CPNE4: variants seen among roughly 807,000 people sequenced by gnomAD.
CPNE4 encodes the protein copine-4.
CPNE4 carries 25 observed loss-of-function variants against 67.9 expected under a neutral mutation model. The observed-to-expected ratio is 0.37, with a 90% CI of 0.27 to 0.51. CPNE4 has a LOEUF of 0.51. CPNE4 is among the 20% of genes least tolerant of loss of function. The pLI is 0.93. For synonymous variants in CPNE4, 242 were observed against 244.9 expected, an observed-to-expected ratio of 0.99 and a Z score of 0.11; for missense variants, 464 against 690.8, an observed-to-expected ratio of 0.67 and a Z score of 3.68.
At chr3:131,858,793 T>C (rs10512830) in intron 2 of CPNE4, among the ~76,000 whole-genome samples, 48,614 of 151,962 alleles carry the variant, frequency 0.32, 8,307 homozygotes, top group African/African-American at 0.42. Context: ...ACGTTCATTA[T>C]ACAAATCACC....
intron 1 of CPNE4, among the ~76,000 whole-genome samples, chr3:131,934,343 G>C (rs915822369): frequency 2.0e-5 from 3 of 152,112 alleles, no homozygotes; most frequent in Non-Finnish European, 2.9e-5. Context: ...AGTAGAAGCA[G>C]CAAGTGTACA....
chr3:131,538,269 G>C (rs888424627), intron 15 of CPNE4, among the ~76,000 whole-genome samples: 6 of 152,200 alleles, frequency 3.9e-5, no homozygotes, highest in Admixed American at 3.3e-4. Flanking sequence ...AAGCAAGTCT[G>C]ACTGAGGAAC....
chr3:131,886,749 G>A (rs1213955369), intron 2 of CPNE4, among the ~76,000 whole-genome samples: 1 of 152,308 alleles, frequency 6.6e-6, no homozygotes, highest in East Asian at 1.9e-4. Context: ...GCTTTAAGAT[G>A]TGACTGCCCT....
intron 2 of CPNE4, among the ~76,000 whole-genome samples, chr3:131,865,360 G>C (rs1035740383): frequency 2.0e-5 from 3 of 151,894 alleles, no homozygotes; most frequent in African/African-American, 7.2e-5. Context: ...TTGGTAATAA[G>C]CTCTTATATT....
intron 7 of CPNE4, among the ~76,000 whole-genome samples, chr3:131,619,025 G>T (rs972849629): frequency 1.3e-5 from 2 of 152,176 alleles, no homozygotes; most frequent in African/African-American, 4.8e-5. Flanking sequence ...TTGTAAAGTT[G>T]TTGCCCATAG....
At chr3:131,944,512 A>G (rs2071491710) in intron 1 of CPNE4, among the ~76,000 whole-genome samples, 1 of 152,048 alleles carries the variant, frequency 6.6e-6, no homozygotes, top group Non-Finnish European at 1.5e-5. Context: ...AGCAGGAGAA[A>G]TGTAATGGTG....
chr3:131,884,625 A>G (rs1292215724), intron 2 of CPNE4, among the ~76,000 whole-genome samples: 1 of 152,140 alleles, frequency 6.6e-6, no homozygotes, highest in African/African-American at 2.4e-5. Context: ...CCCAAATCTC[A>G]TCTTGAATGG....
intron 2 of CPNE4, among the ~76,000 whole-genome samples, chr3:131,841,580 G>A (rs1270681421): frequency 6.6e-6 from 1 of 152,218 alleles, no homozygotes; most frequent in African/African-American, 2.4e-5. Context: ...AACGCCTGAT[G>A]ATCTGAGTCT....
At chr3:131,651,848 G>A (rs1366210643) in intron 7 of CPNE4, among the ~76,000 whole-genome samples, 1 of 152,062 alleles carries the variant, frequency 6.6e-6, no homozygotes, top group African/African-American at 2.4e-5. Context: ...GTGGTCCCGG[G>A]GAAGTAATTT....
chr3:131,592,451 C>T (rs753399263), intron 7 of CPNE4, among the ~76,000 whole-genome samples: 16 of 152,076 alleles, frequency 1.1e-4, no homozygotes, highest in African/African-American at 2.4e-5. Context: ...TAATTCTTTA[C>T]AATAACCATG....
intron 11 of CPNE4, among the ~76,000 whole-genome samples, chr3:131,563,686 G>A (rs928747969): frequency 2.6e-5 from 4 of 152,006 alleles, no homozygotes; most frequent in African/African-American, 9.7e-5. Context: ...TGTGGAGTGG[G>A]TAGACCTGGG....
intron 2 of CPNE4, among the ~76,000 whole-genome samples, chr3:131,762,813 C>T (rs1913291): frequency 0.45 from 68,854 of 151,574 alleles, 16,105 homozygotes; most frequent in Middle Eastern, 0.55. Context: ...CATTATTTTA[C>T]GGATATCATG....
At position 132,008,752 on chromosome 3, in the gene CPNE4, G is replaced by GT. The variant is rs1007430318; in HGVS notation, c.-2+25814dup. ...GTTTTATTTAGCTCCAAAAACTTATGTTTTTTTTTCTTAAAAAAATCCCAT... is the reference window on the plus strand; with the variant it reads ...GTTTTATTTAGCTCCAAAAACTTATGTTTTTTTTTTCTTAAAAAAATCCCAT... On this transcript the variant is annotated intron_variant, in intron 1 of 15. Transcript: ENST00000429747. Among the ~76,000 whole-genome samples the GT allele has an allele frequency of 6.1e-4, 92 of 150,004 alleles. 1 individual carries two copies. In the South Asian group the frequency reaches 9.6e-3, roughly 16 times the overall value.
At chr3:131,562,979 C>T (rs919238461) in intron 11 of CPNE4, among the ~76,000 whole-genome samples, 4 of 151,968 alleles carry the variant, frequency 2.6e-5, no homozygotes, top group Non-Finnish European at 4.4e-5. Flanking sequence ...TCATTCATTC[C>T]CCAACTGGCT....
At chr3:131,898,397 T>G (rs1214766692) in intron 2 of CPNE4, among the ~76,000 whole-genome samples, 1 of 152,084 alleles carries the variant, frequency 6.6e-6, no homozygotes, top group Admixed American at 6.6e-5. Flanking sequence ...AGGATGGGAG[T>G]AAGGCTAATG....
intron 2 of CPNE4, among the ~76,000 whole-genome samples, chr3:131,855,577 G>A (rs1430933008): frequency 6.6e-6 from 1 of 151,934 alleles, no homozygotes; most frequent in Non-Finnish European, 1.5e-5. Context: ...TCTTGAATTG[G>A]TTTAGAACAC....
intron 7 of CPNE4, among the ~76,000 whole-genome samples, chr3:131,665,913 G>A (rs1309884334): frequency 6.6e-6 from 1 of 152,096 alleles, no homozygotes; most frequent in East Asian, 1.9e-4. Context: ...AGGATAGGAA[G>A]ATTCAATATT....
chr3:131,908,207 T>C (rs1021214513), intron 1 of CPNE4, among the ~76,000 whole-genome samples: 2 of 152,116 alleles, frequency 1.3e-5, no homozygotes, highest in African/African-American at 2.4e-5. Flanking sequence ...TGTAAATAAA[T>C]TCTATTCAAA....
chr3:131,881,170 T>G (rs1398952614), intron 2 of CPNE4, among the ~76,000 whole-genome samples: 3 of 152,200 alleles, frequency 2.0e-5, no homozygotes, highest in Non-Finnish European at 4.4e-5. Context: ...GACAAAAACC[T>G]GAACGCTGTC....
Sources: allele counts gnomAD v4.1 joint callset (sites outside exome capture counted in the v4.1 genomes callset), GRCh38; gene constraint gnomAD v4.1.1; transcripts MANE v1.5; gene names NCBI Gene and HGNC (gene_info 2026-07-23, HGNC 2026-07-21).